The following SLC1A1 variants were observed in gnomAD, a reference collection of about 807,000 sequenced individuals.
SLC1A1 encodes the protein solute carrier family 1 member 1, also known as excitatory amino acid transporter 3.
SLC1A1 carries 43 observed loss-of-function variants against 53.3 expected under a neutral mutation model. The observed-to-expected ratio is 0.81, with a 90% CI of 0.63 to 1.04. The LOEUF (loss-of-function observed/expected upper bound fraction) is 1.04, where lower values mean the gene tolerates loss of function less well. SLC1A1 is among the 50% of genes least tolerant of loss of function. The pLI is 0.00. For synonymous variants in SLC1A1, 307 were observed against 243.2 expected (o/e 1.26, Z -2.44); for missense variants, 748 against 664.9 (o/e 1.12, Z -1.37).
chr9:4,515,945 T>G (rs1429361763), intron 1 of SLC1A1, among the ~76,000 whole-genome samples: 1 of 152,176 alleles, frequency 6.6e-6, no homozygotes, highest in Non-Finnish European at 1.5e-5. Context: ...TTCCCTGGAG[T>G]AAAAGAGTCT....
At chr9:4,574,336 T>C (rs1454148268) in intron 8 of SLC1A1, among the ~76,000 whole-genome samples, 3 of 152,200 alleles carry the variant, frequency 2.0e-5, no homozygotes, top group Non-Finnish European at 2.9e-5. Flanking sequence ...TGGCCTTCAT[T>C]TCCTTAAGAA....
At chr9:4,510,660 A>G (rs2130813237) in intron 1 of SLC1A1, among the ~76,000 whole-genome samples, 1 of 152,306 alleles carries the variant, frequency 6.6e-6, no homozygotes, top group Admixed American at 6.5e-5. Flanking sequence ...GCACAGGTCA[A>G]GGTTTCTTTT....
At chr9:4,536,877 G>A (rs1816695660) in intron 1 of SLC1A1, among the ~76,000 whole-genome samples, 1 of 152,014 alleles carries the variant, frequency 6.6e-6, no homozygotes, top group African/African-American at 2.4e-5. Context: ...AAAATGATGA[G>A]TTCATGTCCT....
chr9:4,568,858 A>G (rs910246503), intron 6 of SLC1A1, among the ~76,000 whole-genome samples: 1 of 152,154 alleles, frequency 6.6e-6, no homozygotes, highest in Non-Finnish European at 1.5e-5. Flanking sequence ...TGAGGTCAGT[A>G]TTAATAAATT....
chr9:4,523,460 A>G (rs1816155925), intron 1 of SLC1A1, among the ~76,000 whole-genome samples: 1 of 152,174 alleles, frequency 6.6e-6, no homozygotes, highest in South Asian at 2.1e-4. Flanking sequence ...ATTATATATC[A>G]TAATTTTAAC....
At chr9:4,558,839 T>C (rs1818670298) in intron 2 of SLC1A1, among the ~76,000 whole-genome samples, 1 of 152,158 alleles carries the variant, frequency 6.6e-6, no homozygotes, top group South Asian at 2.1e-4. Flanking sequence ...AAGGACGACA[T>C]ATCTGAAAAT....
chr9:4,584,988 G>C (rs1821456856), intron 11 of SLC1A1, among the ~76,000 whole-genome samples: 1 of 152,154 alleles, frequency 6.6e-6, no homozygotes, highest in African/African-American at 2.4e-5. Flanking sequence ...CCAAGATAGA[G>C]GTTAGGGCTG....
rs932672165 is a variant in SLC1A1 at position 4,557,485 on chromosome 9, A to G, written c.233-3964A>G. Among the ~76,000 whole-genome samples the G allele has an allele frequency of 3.9e-5, 6 of 152,146 alleles. No homozygotes were observed. In the South Asian group the frequency reaches 6.2e-4, roughly 16 times the overall value. On this transcript the variant is annotated intron_variant, in intron 2 of 11. Transcript: ENST00000262352. ...CCATTAGCCACGTGTGGCTACTTAA[A>G]TTGAGATTAATTAAAACTGGCCAGG...
intron 1 of SLC1A1, among the ~76,000 whole-genome samples, chr9:4,505,785 T>C (rs555255430): frequency 2.6e-5 from 4 of 152,124 alleles, no homozygotes; most frequent in African/African-American, 9.6e-5. Context: ...GCCTCCCGAG[T>C]AGCTGGGATT....
intron 6 of SLC1A1, among the ~76,000 whole-genome samples, chr9:4,570,511 C>CTGT (rs1819931764): frequency 6.6e-6 from 1 of 151,852 alleles, no homozygotes; most frequent in Admixed American, 6.6e-5. Flanking sequence ...GCTGGGATTA[C>CTGT]AGGCACGTGC....
chr9:4,575,936 A>G (rs981899073), intron 8 of SLC1A1, 65 bp from the exon 9 acceptor site: 51 of 1,577,200 alleles, frequency 3.2e-5, no homozygotes, highest in Middle Eastern at 1.7e-4. Flanking sequence ...GATGTTTGAT[A>G]AAAGGATTAA....
chr9:4,496,119 G>A (rs1044467678), intron 1 of SLC1A1, among the ~76,000 whole-genome samples: 2 of 152,174 alleles, frequency 1.3e-5, no homozygotes, highest in African/African-American at 4.8e-5. Flanking sequence ...GAAGACCAAA[G>A]ACAGAGTTCT....
In SLC1A1 at chr9:4,583,853, T is replaced by TCTCTCTCTCTCTC; in HGVS notation, c.1328+681_1328+682insCTCTCTCTCTCTC. On this transcript the variant is annotated intron_variant, in intron 11 of 11. Transcript: ENST00000262352. This position sits in a 1 kb window ranked among gnomAD's most constrained non-coding sequence, Gnocchi z 4.6. ...CCATTCAGGCCCCAATCAACAACAC[T>TCTCTCTCTCTCTC]TCTCTCTCTCTCTCTCTCTCTCTCT... Among the ~76,000 whole-genome samples the TCTCTCTCTCTCTC allele has an allele frequency of 7.3e-6, 1 of 136,924 alleles. No homozygotes were observed. The highest frequency in any genetic ancestry group is 2.4e-4 in the South Asian group (1 of 4,182). The allele number at this position is 136,924 out of a possible 152,430, so 89.8% of individuals were successfully genotyped here.
chr9:4,543,366 A>AT lies in SLC1A1; in HGVS notation c.92-1196dup, dbSNP rs1817179873. Among the ~76,000 whole-genome samples the AT allele has an allele frequency of 2.6e-5, 4 of 152,174 alleles. No individual in the cohort carries two copies. In the South Asian group the frequency reaches 6.2e-4, roughly 24 times the overall value. ...AAAAGATGCAAAAGTCATCCCATTT[A>AT]TTTTTCTGCCTTAAAATAAGAGTGT... On this transcript the variant is annotated intron_variant, in intron 1 of 11. Coordinates refer to ENST00000262352, the MANE Select transcript of SLC1A1 (RefSeq NM_004170.6).
Position 4,490,767 on chromosome 9 carries a change from C to T in SLC1A1, c.88C>T (p.Leu30=). The T allele has an allele frequency of 6.2e-7, 1 of 1,610,998 alleles. No individual in the cohort carries two copies. Residue 30 remains leucine, a synonymous_variant, in exon 1 of 12, where the codon CTA becomes TTA. Coordinates refer to ENST00000262352, the MANE Select transcript of SLC1A1 (RefSeq NM_004170.6). ...VLLSTVAAVV[L]GITTGVLVRE... ...GCTGTCCACCGTGGCCGCGGTGGTG[C>T]TAGGTGAGCGGCGCGGCGGGTGGGC...
chr9:4,584,761 C>G (rs1821434622), intron 11 of SLC1A1, among the ~76,000 whole-genome samples: 1 of 152,160 alleles, frequency 6.6e-6, no homozygotes, highest in South Asian at 2.1e-4. Context: ...CCTGGGCTGA[C>G]CTGTGTTTTC....
chr9:4,492,619 C>CA (rs1366921129), intron 1 of SLC1A1, among the ~76,000 whole-genome samples: 2 of 151,834 alleles, frequency 1.3e-5, no homozygotes, highest in Middle Eastern at 3.4e-3. Flanking sequence ...GGCAACATGG[C>CA]AAAATGCCAT....
In SLC1A1 at chr9:4,564,334, T is replaced by C; in HGVS notation, c.326-10T>C. 1 of 1,600,870 alleles carries C rather than the reference T, an allele frequency of 6.2e-7. No homozygotes were observed. Among genetic ancestry groups the C allele is most frequent in the Non-Finnish European group, 8.6e-7 (1 of 1,168,990 alleles). On this transcript the variant is annotated splice_polypyrimidine_tract_variant and intron_variant, in intron 3 of 11. Coordinates refer to ENST00000262352, the MANE Select transcript of SLC1A1 (RefSeq NM_004170.6). ...TCCTAATGCTCTGTGGACGCTGTTC[T>C]TGGCCACAGGTATTGTGCTGGTGGT...
rs759696363 is a variant in SLC1A1, at chr9:4,573,955, A to G, written c.816A>G (p.Glu272=). The G allele has an allele frequency of 8.7e-6, 14 of 1,613,960 alleles. No individual in the cohort carries two copies. The East Asian group carries it at 3.1e-4, about 36-fold the overall frequency. The change falls in exon 8 of 12, where the codon GAA becomes GAG. Residue 272 remains glutamate (E), a synonymous_variant. Transcript: ENST00000262352. ...TCCTGATTGCTGGGAAGATCATAGA[A>G]GTTGAAGACTGGGAAATATTCCGCA... ...ILFLIAGKII[E]VEDWEIFRKL...
Sources: allele counts gnomAD v4.1 joint callset (sites outside exome capture counted in the v4.1 genomes callset), GRCh38; gene constraint gnomAD v4.1.1; non-coding constraint Gnocchi (gnomAD v3.1); transcripts MANE v1.5; gene names NCBI Gene and HGNC (gene_info 2026-07-23, HGNC 2026-07-21).